The following SYN3 variants were observed in gnomAD, a reference collection of about 807,000 sequenced individuals.
SYN3 encodes synapsin III.
Under a neutral mutation model 65.8 loss-of-function variants are expected in SYN3, and 35 were observed. The observed-to-expected ratio is 0.53, with a 90% confidence interval of 0.41 to 0.70. SYN3 has a LOEUF of 0.70. Ranked by LOEUF, SYN3 falls within the 30% of genes least tolerant of loss-of-function variation. The pLI, the probability that SYN3 is intolerant of heterozygous loss-of-function variation, is 0.00. For missense variants in SYN3, 680 were observed against 749.0 expected (o/e 0.91, Z 1.08); for synonymous variants, 270 against 292.9 (o/e 0.92, Z 0.80).
chr22:32,811,623 T>G (rs1176420430), intron 6 of SYN3, among the ~76,000 whole-genome samples: 1 of 152,178 alleles, frequency 6.6e-6, no homozygotes, highest in African/African-American at 2.4e-5. Context: ...CTCTTCACAT[T>G]TTAGAGTCTT....
intron 6 of SYN3, among the ~76,000 whole-genome samples, chr22:32,632,092 C>A (rs1193693662): frequency 6.6e-6 from 1 of 152,196 alleles, no homozygotes; most frequent in African/African-American, 2.4e-5. Flanking sequence ...TGTGGCAATT[C>A]CTGGACTGGG....
chr22:32,935,572 T>G (rs572809070), intron 3 of SYN3, among the ~76,000 whole-genome samples: 28 of 151,132 alleles, frequency 1.9e-4, no homozygotes, highest in Non-Finnish European at 2.9e-5. Flanking sequence ...TGCCTCAGCC[T>G]CCTAAGCAGC....
intron 7 of SYN3, among the ~76,000 whole-genome samples, chr22:32,573,514 G>T (rs1055549225): frequency 2.0e-5 from 3 of 152,148 alleles, no homozygotes; most frequent in Non-Finnish European, 4.4e-5. Context: ...GGGCCTTATT[G>T]TTCTCTTGAT....
At chr22:32,743,303 T>C (rs2044829441) in intron 6 of SYN3, among the ~76,000 whole-genome samples, 1 of 152,148 alleles carries the variant, frequency 6.6e-6, no homozygotes, top group East Asian at 1.9e-4. Context: ...ATTCTGAACA[T>C]TCAATGTCTC....
chr22:32,529,040 C>T (rs1325443953), intron 10 of SYN3, 32 bp from the exon 11 acceptor site: 1 of 1,613,016 alleles, frequency 6.2e-7, no homozygotes, highest in Admixed American at 1.7e-5. Context: ...TGAGGGACCC[C>T]CATGCCAGGA....
intron 2 of SYN3, among the ~76,000 whole-genome samples, chr22:32,997,050 C>T (rs2052901497): frequency 6.6e-6 from 1 of 152,188 alleles, no homozygotes; most frequent in Non-Finnish European, 1.5e-5. Flanking sequence ...AGAGGAGGGG[C>T]TGAGCTTCAG....
intron 6 of SYN3, among the ~76,000 whole-genome samples, chr22:32,716,262 T>C (rs5998597): frequency 0.018 from 2,761 of 152,134 alleles, 36 homozygotes; most frequent in African/African-American, 0.03. Flanking sequence ...TGTCTGTGTG[T>C]GTCTTTCTGA....
chr22:32,702,599 T>C (rs185113605), intron 6 of SYN3, among the ~76,000 whole-genome samples: 4 of 152,364 alleles, frequency 2.6e-5, no homozygotes, highest in Admixed American at 2.6e-4. Flanking sequence ...ACAAAAGATC[T>C]TCTGATATCC....
At chr22:32,591,396 G>A (rs1382875816) in intron 7 of SYN3, among the ~76,000 whole-genome samples, 1 of 152,162 alleles carries the variant, frequency 6.6e-6, no homozygotes, top group Non-Finnish European at 1.5e-5. Context: ...ATAGAAAATG[G>A]CAAAAGTTTT....
At chr22:33,039,274 T>A (rs2053917658) in intron 1 of SYN3, among the ~76,000 whole-genome samples, 1 of 152,270 alleles carries the variant, frequency 6.6e-6, no homozygotes. Flanking sequence ...AAGTCCATGC[T>A]CAAAGCTACT....
At chr22:32,659,088 A>G (rs981289834) in intron 6 of SYN3, among the ~76,000 whole-genome samples, 44 of 152,338 alleles carry the variant, frequency 2.9e-4, no homozygotes, top group African/African-American at 1.0e-3. Flanking sequence ...TGGTGAAGCC[A>G]GGACTGGAAC....
At chr22:32,753,392 C>T (rs2045195794) in intron 6 of SYN3, among the ~76,000 whole-genome samples, 1 of 152,148 alleles carries the variant, frequency 6.6e-6, no homozygotes, top group Admixed American at 6.5e-5. Context: ...GCTGCAGCTG[C>T]CTCCAGAAGA....
intron 13 of SYN3, among the ~76,000 whole-genome samples, chr22:32,516,824 C>T (rs189871355): frequency 2.0e-5 from 3 of 152,238 alleles, no homozygotes; most frequent in East Asian, 1.9e-4. Flanking sequence ...TTTGCTTACT[C>T]GTCTGTACAA....
chr22:32,974,973 C>T (rs938447536), intron 3 of SYN3, among the ~76,000 whole-genome samples: 1 of 152,148 alleles, frequency 6.6e-6, no homozygotes, highest in African/African-American at 2.4e-5. Context: ...GTCTATCTTA[C>T]TCTGGAGCCA....
At chr22:32,855,069 G>A (rs2048326973) in intron 6 of SYN3, among the ~76,000 whole-genome samples, 1 of 152,208 alleles carries the variant, frequency 6.6e-6, no homozygotes, top group Non-Finnish European at 1.5e-5. Context: ...CAAATGCCAG[G>A]AAGTAAAGTA....
intron 4 of SYN3, among the ~76,000 whole-genome samples, chr22:32,893,314 G>T (rs796608353): frequency 2.0e-5 from 3 of 152,324 alleles, no homozygotes; most frequent in African/African-American, 7.2e-5. Flanking sequence ...CTGTGGAGAT[G>T]CATGAGACAC....
At chr22:33,003,285 A>C (rs2145783322) in intron 2 of SYN3, among the ~76,000 whole-genome samples, 1 of 152,350 alleles carries the variant, frequency 6.6e-6, no homozygotes, top group South Asian at 2.1e-4. Context: ...GACAGGCAGA[A>C]GTTGGAACAG....
At chr22:32,983,002 G>T (rs2052414922) in intron 2 of SYN3, among the ~76,000 whole-genome samples, 1 of 152,196 alleles carries the variant, frequency 6.6e-6, no homozygotes, top group Non-Finnish European at 1.5e-5. Flanking sequence ...AAAAATAGCA[G>T]TGAAAATTGG....
chr22:33,031,748 A>T (rs2053759076), intron 1 of SYN3, among the ~76,000 whole-genome samples: 1 of 151,860 alleles, frequency 6.6e-6, no homozygotes, highest in Non-Finnish European at 1.5e-5. Flanking sequence ...CCAAAATTAA[A>T]ATCCTAAGCC....
Sources: allele counts gnomAD v4.1 joint callset (sites outside exome capture counted in the v4.1 genomes callset), GRCh38; gene constraint gnomAD v4.1.1; transcripts MANE v1.5; gene names NCBI Gene and HGNC (gene_info 2026-07-23, HGNC 2026-07-21).